Variants in APBA1 observed in about 807,000 individuals in gnomAD.
APBA1 encodes the protein amyloid-beta A4 precursor protein-binding family A member 1.
A neutral mutation model predicts 86.6 loss-of-function variants in APBA1; 55 were observed. The ratio of observed to expected loss-of-function variants is 0.64; its 90% CI spans 0.51 to 0.80. The LOEUF is 0.80. Ranked by LOEUF, APBA1 falls within the 30% of genes least tolerant of loss-of-function variation. The pLI is 0.00. For synonymous variants in APBA1, 511 were observed against 493.9 expected, an observed-to-expected ratio of 1.03 and a Z score of -0.46; for missense variants, 1,090 against 1,183.0, an observed-to-expected ratio of 0.92 and a Z score of 1.15.
At chr9:69,449,476 G>C in intron 10 of APBA1, 108 bp downstream of exon 10, 1 of 1,030,762 alleles carries the variant, frequency 9.7e-7, no homozygotes, top group Non-Finnish European at 1.5e-6. Context: ...GTCTTCCTTG[G>C]TGCCTGACAC....
chr9:69,595,461 C>T lies in APBA1; in HGVS notation c.-70+76692G>A, dbSNP rs184106157. ...TGGTGCCCCCTGCTCTCCATGGCTTCGGACTATGTCACACTTCAAGAAATA... is the reference window on the plus strand; with the variant it reads ...TGGTGCCCCCTGCTCTCCATGGCTTTGGACTATGTCACACTTCAAGAAATA... On this transcript the variant is annotated intron_variant, in intron 1 of 12. Coordinates refer to ENST00000265381, the MANE Select transcript of APBA1 (RefSeq NM_001163.4). Among the ~76,000 whole-genome samples the T allele has an allele frequency of 2.1e-3, 319 of 152,286 alleles. 2 individuals are homozygous for T. The highest frequency in any genetic ancestry group is 7.2e-3 in the African/African-American group (300 of 41,560).
At chr9:69,596,687 C>T (rs924205376) in intron 1 of APBA1, among the ~76,000 whole-genome samples, 3 of 152,210 alleles carry the variant, frequency 2.0e-5, no homozygotes, top group Admixed American at 6.5e-5. Context: ...TTGACTAGTA[C>T]TTAGGCAATC....
At chr9:69,659,459 G>T (rs980469869) in intron 1 of APBA1, among the ~76,000 whole-genome samples, 7 of 152,098 alleles carry the variant, frequency 4.6e-5, no homozygotes, top group African/African-American at 1.7e-4. Context: ...AGCTGCAGAC[G>T]GGTTGATAAT....
At chr9:69,488,568 GA>G (rs1209578114) in intron 2 of APBA1, among the ~76,000 whole-genome samples, 1 of 152,132 alleles carries the variant, frequency 6.6e-6, no homozygotes, top group Non-Finnish European at 1.5e-5. Flanking sequence ...GCAGCTTTTT[GA>G]AGGTACACAT....
chr9:69,519,511 C>T (rs7866199), intron 1 of APBA1, among the ~76,000 whole-genome samples: 125,052 of 152,168 alleles, frequency 0.82, 51,487 homozygotes, highest in East Asian at 0.91. Context: ...AACAGATAAA[C>T]CTTCATTAAA....
intron 11 of APBA1, 89 bp from the exon 12 acceptor site, chr9:69,432,765 A>G (rs1834627497): frequency 4.6e-5 from 59 of 1,268,920 alleles, no homozygotes; most frequent in Non-Finnish European, 5.8e-5. Context: ...CTGCCCCTAC[A>G]CTCTGCTCTT....
intron 1 of APBA1, among the ~76,000 whole-genome samples, chr9:69,608,119 G>A (rs1160235725): frequency 6.6e-6 from 1 of 152,162 alleles, no homozygotes; most frequent in African/African-American, 2.4e-5. Context: ...GCATGATACT[G>A]TAAAATATCC....
intron 1 of APBA1, among the ~76,000 whole-genome samples, chr9:69,659,676 G>T (rs1012938085): frequency 6.6e-6 from 1 of 152,148 alleles, no homozygotes; most frequent in African/African-American, 2.4e-5. Context: ...CCCCAAGCAG[G>T]TTTCAAATAC....
intron 2 of APBA1, among the ~76,000 whole-genome samples, chr9:69,496,603 T>C (rs939933021): frequency 6.6e-6 from 1 of 152,024 alleles, no homozygotes; most frequent in Admixed American, 6.5e-5. Context: ...CCTACTCTAA[T>C]CCGAATCAGT....
chr9:69,523,460 T>C (rs1206308644), intron 1 of APBA1, among the ~76,000 whole-genome samples: 1 of 130,618 alleles, frequency 7.7e-6, no homozygotes, highest in Non-Finnish European at 1.6e-5. Flanking sequence ...CTATCATGTA[T>C]GTGTATATAT....
intron 11 of APBA1, 60 bp downstream of exon 11, chr9:69,440,936 C>A (rs1159859882): frequency 1.3e-6 from 2 of 1,581,440 alleles, no homozygotes; most frequent in Non-Finnish European, 1.7e-6. Context: ...ACCCCCCCAG[C>A]CATGCTACAT....
chr9:69,521,256 G>A (rs1836247000), intron 1 of APBA1, among the ~76,000 whole-genome samples: 1 of 152,158 alleles, frequency 6.6e-6, no homozygotes, highest in Non-Finnish European at 1.5e-5. Flanking sequence ...AAGACCTTGG[G>A]ATGCTTCACC....
chr9:69,432,175 T>G (rs1317281962), intron 12 of APBA1, among the ~76,000 whole-genome samples: 4 of 152,238 alleles, frequency 2.6e-5, no homozygotes. Context: ...TGATTCAACT[T>G]GAGTCTAAGA....
intron 11 of APBA1, among the ~76,000 whole-genome samples, chr9:69,439,829 G>A (rs1834778090): frequency 6.6e-6 from 1 of 152,226 alleles, no homozygotes. Flanking sequence ...CTGGTAAGGA[G>A]CTGTGTTCCT....
intron 2 of APBA1, among the ~76,000 whole-genome samples, chr9:69,515,130 C>T (rs1285934590): frequency 6.6e-6 from 1 of 152,112 alleles, no homozygotes; most frequent in Non-Finnish European, 1.5e-5. Context: ...GAAGAAATAC[C>T]CCCAACCTTT....
At chr9:69,569,448 AGTGTGTGTGTGTGTGTGTGTGT>A (rs71507121) in intron 1 of APBA1, among the ~76,000 whole-genome samples, 1 of 144,962 alleles carries the variant, frequency 6.9e-6, no homozygotes, top group Non-Finnish European at 1.5e-5. Flanking sequence ...GTCACGTGTG[AGTGTGTGTGTGTGTGTGTGTGT>A]GTGTGTGTGT....
At chr9:69,457,403 T>C (rs1382370823) in intron 6 of APBA1, among the ~76,000 whole-genome samples, 1 of 152,206 alleles carries the variant, frequency 6.6e-6, no homozygotes, top group Non-Finnish European at 1.5e-5. Context: ...TGCAGTAGAT[T>C]TCACTCTTTG....
chr9:69,543,433 G>C (rs1316146977), intron 1 of APBA1, among the ~76,000 whole-genome samples: 2 of 152,132 alleles, frequency 1.3e-5, no homozygotes, highest in African/African-American at 4.8e-5. Flanking sequence ...TTTGTACCCT[G>C]CTACCTTTCC....
chr9:69,558,561 C>CATATATATATAT (rs371494520), intron 1 of APBA1, among the ~76,000 whole-genome samples: 2 of 142,818 alleles, frequency 1.4e-5, no homozygotes, highest in Admixed American at 7.0e-5. Context: ...CACACACACA[C>CATATATATATAT]ATATATATAT....
Sources: gnomAD v4.1 joint callset for allele counts (sites outside exome capture counted in the v4.1 genomes callset) on GRCh38, gnomAD v4.1.1 for gene constraint, MANE v1.5 for transcripts, NCBI Gene and HGNC (gene_info 2026-07-23, HGNC 2026-07-21) for gene names.